Variants in TMPRSS15 observed in about 807,000 individuals in gnomAD.
TMPRSS15 encodes the protein enteropeptidase.
In TMPRSS15, 128 loss-of-function variants were observed where a neutral mutation model predicts 125.3. That is an observed-to-expected ratio of 1.02 (90% confidence interval 0.89 to 1.18). The LOEUF is 1.18. Ranked by LOEUF, TMPRSS15 falls within the 50% of genes most tolerant of loss-of-function variation. The pLI is 0.00. For missense variants in TMPRSS15, 1,283 were observed against 1,212.7 expected (o/e 1.06, Z -0.86); for synonymous variants, 446 against 423.2 (o/e 1.05, Z -0.66).
chr21:18,333,377 G>A (rs2075362938), intron 13 of TMPRSS15, among the ~76,000 whole-genome samples: 1 of 152,068 alleles, frequency 6.6e-6, no homozygotes, highest in Admixed American at 6.6e-5. Context: ...TTGTACAAAG[G>A]AAATTTTTTT....
intron 22 of TMPRSS15, among the ~76,000 whole-genome samples, chr21:18,280,593 A>AAAAAAAAAAC (rs1267521488): frequency 1.4e-5 from 2 of 143,596 alleles, no homozygotes; most frequent in African/African-American, 5.6e-5. Context: ...AAAAAAAAAA[A>AAAAAAAAAAC]AACAACAAAA....
upstream of TMPRSS15, among the ~76,000 whole-genome samples, chr21:18,407,977 T>C (rs1162402313): frequency 1.3e-5 from 2 of 152,170 alleles, no homozygotes; most frequent in Non-Finnish European, 2.9e-5. Context: ...GTTAGGTGAA[T>C]AATGAAGTAG....
intron 6 of TMPRSS15, among the ~76,000 whole-genome samples, chr21:18,371,273 T>C (rs2147044883): frequency 6.6e-6 from 1 of 152,322 alleles, no homozygotes; most frequent in East Asian, 1.9e-4. Flanking sequence ...ATTGTTTATT[T>C]CTGGAATTTT....
chr21:18,331,379 C>T (rs1183643642), intron 14 of TMPRSS15, among the ~76,000 whole-genome samples: 1 of 152,130 alleles, frequency 6.6e-6, no homozygotes, highest in Non-Finnish European at 1.5e-5. Flanking sequence ...TTACCCAGTC[C>T]AGACTCCTGA....
intron 1 of TMPRSS15, chr21:18,485,779 A>C (rs1457399495): frequency 6.0e-6 from 1 of 165,980 alleles, no homozygotes; most frequent in Non-Finnish European, 1.3e-5. Context: ...TTATAAAGGA[A>C]AGAGGTTTAA....
intron 1 of TMPRSS15, chr21:18,460,436 A>C (rs563765495): frequency 1.3e-5 from 2 of 152,162 alleles, no homozygotes; most frequent in Non-Finnish European, 2.9e-5. Flanking sequence ...AACTCCTATG[A>C]TAGTACCCTT....
intron 15 of TMPRSS15, among the ~76,000 whole-genome samples, chr21:18,326,917 G>T (rs190898811): frequency 8.5e-5 from 13 of 152,220 alleles, no homozygotes; most frequent in African/African-American, 2.6e-4. Context: ...AAACAATGGA[G>T]TTTATAGTCA....
chr21:18,374,190 T>C (rs1189155931), intron 5 of TMPRSS15, among the ~76,000 whole-genome samples: 1 of 152,110 alleles, frequency 6.6e-6, no homozygotes, highest in Non-Finnish European at 1.5e-5. Flanking sequence ...AGTACATCAA[T>C]AGGCCGGGCG....
rs68017657 is a variant in TMPRSS15, at chr21:18,392,132, C to A, written c.344+5747G>T. The stretch of plus-strand genomic sequence containing the variant: ...TGCTATGAAGAACTCTGACATGCCA[C>A]GGAGACATGTTCACCATTGTCTTGG... On this transcript the variant is annotated intron_variant, in intron 3 of 24. Coordinates refer to ENST00000284885, the MANE Select transcript of TMPRSS15 (RefSeq NM_002772.3). Among the ~76,000 whole-genome samples the A allele has an allele frequency of 3.9e-5, 6 of 152,052 alleles. No individual in the cohort carries two copies. In the East Asian group the frequency reaches 1.2e-3, roughly 29 times the overall value.
At position 18,401,048 on chromosome 21, in the gene TMPRSS15, G is replaced by A. The variant is rs530182719; in HGVS notation, c.145+2430C>T. On this transcript the variant is annotated intron_variant, in intron 1 of 24. Coordinates refer to ENST00000284885, the MANE Select transcript of TMPRSS15 (RefSeq NM_002772.3). ...AATGAGATACCATCTCATGCTGGTC[G>A]GAATGGCTATTACCAAAGAATCGAA... Among the ~76,000 whole-genome samples the A allele has an allele frequency of 1.6e-4, 25 of 152,088 alleles. No individual in the cohort carries two copies. In the South Asian group the frequency reaches 1.7e-3, roughly 10 times the overall value.
chr21:18,290,775 G>T (rs186046294), intron 21 of TMPRSS15, among the ~76,000 whole-genome samples: 3 of 151,982 alleles, frequency 2.0e-5, no homozygotes, highest in Non-Finnish European at 4.4e-5. Context: ...CCTGTTTTTA[G>T]TAAAAATACT....
intron 13 of TMPRSS15, 32 bp from the exon 14 acceptor site, chr21:18,332,205 A>AAT: frequency 6.4e-7 from 1 of 1,553,558 alleles, no homozygotes; most frequent in South Asian, 1.1e-5. Context: ...AATCATCAGT[A>AAT]ATACAATGTT....
intron 3 of TMPRSS15, among the ~76,000 whole-genome samples, chr21:18,387,746 G>C (rs548113538): frequency 2.0e-5 from 3 of 151,998 alleles, no homozygotes; most frequent in Non-Finnish European, 4.4e-5. Flanking sequence ...ACTAAATCTA[G>C]TATTGGAGTG....
At chr21:18,379,251 C>T (rs962530644) in intron 5 of TMPRSS15, 32 bp downstream of exon 5, 10 of 1,187,642 alleles carry the variant, frequency 8.4e-6, no homozygotes, top group Admixed American at 6.6e-5. Context: ...AACTTTCTTT[C>T]AAAAAATAAT....
chr21:18,363,214 T>C (rs991691514), intron 7 of TMPRSS15, among the ~76,000 whole-genome samples: 2 of 152,162 alleles, frequency 1.3e-5, no homozygotes, highest in Admixed American at 6.5e-5. Flanking sequence ...AATTAAATCA[T>C]CATTTTAGCA....
chr21:18,330,288 C>T (rs1021407203), intron 14 of TMPRSS15, among the ~76,000 whole-genome samples: 5 of 152,250 alleles, frequency 3.3e-5, no homozygotes, highest in Admixed American at 6.5e-5. Context: ...TCCTAATTGG[C>T]GATGCTGATG....
chr21:18,481,212 C>T (rs1352634763), intron 1 of TMPRSS15, among the ~76,000 whole-genome samples: 1 of 151,790 alleles, frequency 6.6e-6, no homozygotes, highest in Non-Finnish European at 1.5e-5. Flanking sequence ...CTTATTTCAT[C>T]ACAGGTACAC....
chr21:18,433,216 G>A (rs1198503804), intron 1 of TMPRSS15, among the ~76,000 whole-genome samples: 1 of 152,054 alleles, frequency 6.6e-6, no homozygotes, highest in Non-Finnish European at 1.5e-5. Flanking sequence ...AAACATTTTA[G>A]TGTCTCAAAA....
intron 6 of TMPRSS15, 105 bp from the exon 7 acceptor site, chr21:18,365,353 T>G: frequency 1.1e-6 from 1 of 878,734 alleles, no homozygotes; most frequent in Non-Finnish European, 1.9e-6. Flanking sequence ...ACAAGGTTAT[T>G]TTATGAAACT....
Sources: allele counts gnomAD v4.1 joint callset (sites outside exome capture counted in the v4.1 genomes callset), GRCh38; gene constraint gnomAD v4.1.1; transcripts MANE v1.5; gene names NCBI Gene and HGNC (gene_info 2026-07-23, HGNC 2026-07-21).